Variants in LRRC32 observed in about 807,000 individuals in gnomAD.
The protein encoded by LRRC32 is transforming growth factor beta activator LRRC32.
A neutral mutation model predicts 15.0 loss-of-function variants in LRRC32; 5 were observed. That is an observed-to-expected ratio of 0.33 (90% confidence interval 0.17 to 0.70). The LOEUF (loss-of-function observed/expected upper bound fraction) is 0.70, where lower values mean the gene tolerates loss of function less well. Ranked by LOEUF, LRRC32 falls within the 30% of genes least tolerant of loss-of-function variation. The pLI is 0.66. For synonymous variants in LRRC32, 391 were observed against 403.9 expected (o/e 0.97, Z 0.38); for missense variants, 803 against 854.2 (o/e 0.94, Z 0.75).
In LRRC32 at chr11:76,659,256, G is replaced by A. The variant is rs897428797; in HGVS notation, c.*348C>T. 1.9e-5 allele frequency: 5 copies of A among 260,220 alleles called. No individual in the cohort carries two copies. Among genetic ancestry groups the A allele is most frequent in the Non-Finnish European group, 3.0e-5 (4 of 135,080 alleles). 16.1% of individuals were successfully genotyped at this position (260,220 alleles called of 1,614,324 possible). ...CTGCAGCACTCTCTCCTACCAGACT[G>A]GGAGATTCTTGAGGGCGGGAATGTA... On this transcript the variant is annotated 3_prime_UTR_variant, in exon 3 of 3. Coordinates refer to ENST00000260061, the MANE Select transcript of LRRC32 (RefSeq NM_001128922.2).
chr11:76,659,920 C>T lies in LRRC32; in HGVS notation c.1673G>A (p.Gly558Asp), dbSNP rs1199077993. Reference sequence around the variant, plus strand: ...GAGGCGCCGGAGGCTGGTCTCCAGGCCACCCATGGCACTGCCTGGCAGGAG... The same window carrying T: ...GAGGCGCCGGAGGCTGGTCTCCAGGTCACCCATGGCACTGCCTGGCAGGAG... Reference protein sequence around the residue: ...FSLLPGSAMGGLETSLRRLYL... With the variant: ...FSLLPGSAMGDLETSLRRLYL... The change falls in exon 3 of 3, where the codon GGC becomes GAC. Residue 558 changes from glycine to aspartate, a missense_variant. Physicochemically the swap from Gly to Asp is moderately conservative, Grantham distance 94. Transcript: ENST00000260061. 1 of 1,613,566 alleles carries T rather than the reference C, an allele frequency of 6.2e-7. No homozygotes were observed. Among genetic ancestry groups the T allele is most frequent in the Non-Finnish European group, 8.5e-7 (1 of 1,179,966 alleles).
intron 1 of LRRC32, among the ~76,000 whole-genome samples, chr11:76,669,527 A>G (rs935581553): frequency 1.3e-5 from 2 of 152,064 alleles, no homozygotes; most frequent in East Asian, 3.9e-4. Context: ...TCTCACAATC[A>G]CCTATTGAGG....
At chr11:76,664,614 A>T (rs1952593895) in intron 2 of LRRC32, among the ~76,000 whole-genome samples, 2 of 152,218 alleles carry the variant, frequency 1.3e-5, no homozygotes, top group Admixed American at 1.3e-4. Context: ...CGAATCCTGT[A>T]GGTCCCTGGT....
Position 76,665,851 on chromosome 11 carries a change from G to T in LRRC32, c.84+20C>A. ...GGGAGGTGGGGGTGGTCCTCACCCT[G>T]TCTGGGCAGAGCATCTTACCATCTT... On this transcript the variant is annotated intron_variant, in intron 2 of 2. Coordinates refer to ENST00000260061, the MANE Select transcript of LRRC32 (RefSeq NM_001128922.2). 1 of 1,613,970 alleles carries T rather than the reference G, an allele frequency of 6.2e-7. No individual in the cohort carries two copies. Among genetic ancestry groups the T allele is most frequent in the East Asian group, 2.2e-5 (1 of 44,872 alleles).
rs1313843300 is a variant in LRRC32, at chr11:76,660,551, T to C, written c.1042A>G (p.Arg348Gly). 6.2e-7 allele frequency: 1 copy of C among 1,614,210 alleles called. No homozygotes were observed. The highest frequency in any genetic ancestry group is 1.7e-5 in the Admixed American group (1 of 60,030). ...LTSLCFLNLS[R>G]NCLRTFEARR... ...GCCTCAAAGGTCCGCAAGCAGTTTC[T>C]GCTGAGGTTCAGGAAGCACAGGGAG... Residue 348 changes from arginine to glycine, a missense_variant, in exon 3 of 3, where the codon AGA becomes GGA. Coordinates refer to ENST00000260061, the MANE Select transcript of LRRC32 (RefSeq NM_001128922.2).
Position 76,659,780 on chromosome 11 carries a change from G to A in LRRC32, c.1813C>T (p.Gln605Ter), listed in dbSNP as rs1363934629. 1 of 1,614,104 alleles carries A rather than the reference G, an allele frequency of 6.2e-7. No homozygotes were observed. Among genetic ancestry groups the A allele is most frequent in the Admixed American group, 1.7e-5 (1 of 60,012 alleles). Reference protein sequence around the residue: ...TQDLICRFSSQEEVSLSHVRP... With the variant: ...TQDLICRFSS ...ACGTGGCTCAGGGACACCTCCTCCT[G>A]GGAGCTGAAGCGGCAGATCAGGTCC... The change falls in exon 3 of 3, where the codon CAG becomes TAG. Residue 605 changes from glutamine (Q) to a stop codon, truncating the protein, a stop_gained. Coordinates refer to ENST00000260061, the MANE Select transcript of LRRC32 (RefSeq NM_001128922.2). LOFTEE classifies it high-confidence loss of function.
At chr11:76,662,803 TCTC>T (rs1952559261) in intron 2 of LRRC32, 1 of 152,232 alleles carries the variant, frequency 6.6e-6, no homozygotes, top group African/African-American at 2.4e-5. Flanking sequence ...GGCTTAAACT[TCTC>T]CACGGTGAAG....
chr11:76,661,096 C>T lies in LRRC32; in HGVS notation c.497G>A (p.Arg166His), dbSNP rs1471143455. The T allele has an allele frequency of 1.4e-5, 22 of 1,613,922 alleles. No individual in the cohort carries two copies. Among genetic ancestry groups the T allele is most frequent in the East Asian group, 2.2e-5 (1 of 44,898 alleles). Residue 166 changes from arginine (R) to histidine (H), a missense_variant, in exon 3 of 3, where the codon CGC becomes CAC. By Grantham distance (29) the Arg-to-His change is conservative. Transcript: ENST00000260061. ...CGCAGGCATGTCCCGGAAGGTGTGG[C>T]GGGTGAGGCGAGTCAGACTGTTCTC... is the stretch of plus-strand genomic sequence containing the variant. ...LAENSLTRLT[R>H]HTFRDMPALE...
At position 76,660,213 on chromosome 11, in the gene LRRC32, T is replaced by C. The variant is rs751781425; in HGVS notation, c.1380A>G (p.Ala460=). Residue 460 remains alanine, a synonymous_variant, in exon 3 of 3, where the codon GCA becomes GCG. Transcript: ENST00000260061. ...TCAGTGGGGTGTGGAGGAAGGCCCCTGCCCTGAGCAGCTCTATCTCATTAT... is the reference window on the plus strand; with the variant it reads ...TCAGTGGGGTGTGGAGGAAGGCCCCCGCCCTGAGCAGCTCTATCTCATTAT... The part of the protein sequence containing the change: ...LVDNEIELLR[A]GAFLHTPLTE... 2.5e-6 allele frequency: 4 copies of C among 1,577,182 alleles called. No homozygotes were observed. Among genetic ancestry groups the C allele is most frequent in the African/African-American group, 1.4e-5 (1 of 73,566 alleles).
rs1442648614 is a variant in LRRC32, at chr11:76,658,054, A to T, written c.*1550T>A. The T allele has an allele frequency of 4.6e-5, 7 of 152,328 alleles. No individual in the cohort carries two copies. Among genetic ancestry groups the T allele is most frequent in the African/African-American group, 1.7e-4 (7 of 41,436 alleles). 9.4% of individuals were successfully genotyped at this position (152,328 alleles called of 1,614,324 possible). The stretch of plus-strand genomic sequence containing the variant: ...TTTTACCTGTTTTTGTAAGAGGGAA[A>T]AAAGATCCTTGCATGATGAGGCACA... On this transcript the variant is annotated 3_prime_UTR_variant, in exon 3 of 3. Coordinates refer to ENST00000260061, the MANE Select transcript of LRRC32 (RefSeq NM_001128922.2).
Position 76,659,608 on chromosome 11 carries a change from GCTTTATA to G in LRRC32, c.1978_1984del (p.Tyr660ProfsTer121). The stretch of plus-strand genomic sequence containing the variant: ...CTAGAGTGTCTCCCGGCTTCTTTAG[GCTTTATA>G]CTGTTGGTTAAACTTCTGCCGGCGG... On this transcript the variant is annotated frameshift_variant, in exon 3 of 3. Transcript: ENST00000260061. LOFTEE classifies it high-confidence loss of function. 1 of 1,613,852 alleles carries G rather than the reference GCTTTATA, an allele frequency of 6.2e-7. No individual in the cohort carries two copies. The highest frequency in any genetic ancestry group is 8.5e-7 in the Non-Finnish European group (1 of 1,179,940).
chr11:76,665,347 G>A (rs145338201), intron 2 of LRRC32, among the ~76,000 whole-genome samples: 247 of 152,228 alleles, frequency 1.6e-3, no homozygotes, highest in African/African-American at 5.6e-3. Context: ...CAGCCTGGGA[G>A]GGGCTGGGGA....
In LRRC32 at chr11:76,660,910, T is replaced by C. The variant is rs1207776358; in HGVS notation, c.683A>G (p.Asn228Ser). 5 of 1,614,084 alleles carry C rather than the reference T, an allele frequency of 3.1e-6. No individual in the cohort carries two copies. The highest frequency in any genetic ancestry group is 1.7e-5 in the Admixed American group (1 of 60,012). ...GGCCGTCTGAAAGGCCTCGATGCTG[T>C]TGCAGCTCAGGTCTAGCACCCGCAG... The part of the protein sequence containing the change: ...QQLRVLDLSC[N>S]SIEAFQTASQ... The change falls in exon 3 of 3, where the codon AAC becomes AGC. Residue 228 changes from asparagine to serine, a missense_variant. Coordinates refer to ENST00000260061, the MANE Select transcript of LRRC32 (RefSeq NM_001128922.2).
intron 1 of LRRC32, among the ~76,000 whole-genome samples, chr11:76,667,424 A>T (rs934846650): frequency 9.9e-5 from 15 of 152,218 alleles, no homozygotes; most frequent in African/African-American, 3.4e-4. Flanking sequence ...AGGCATTCAC[A>T]GGGCATTTGA....
chr11:76,670,158 A>G (rs1952687467), intron 1 of LRRC32, among the ~76,000 whole-genome samples: 2 of 152,202 alleles, frequency 1.3e-5, no homozygotes, highest in Non-Finnish European at 2.9e-5. Context: ...CTTACCACCC[A>G]TGAAGAAGGC....
Position 76,660,038 on chromosome 11 carries a change from G to A in LRRC32, c.1555C>T (p.Leu519Phe). Reference protein sequence around the residue: ...DLPCFICLKRLNLAENRLSHL... With the variant: ...DLPCFICLKRFNLAENRLSHL... ...CTCAGGCGGTTCTCGGCAAGATTGA[G>A]CCGCTTGAGGCAGATGAAGCAGGGC... is the stretch of plus-strand genomic sequence containing the variant. Residue 519 changes from leucine (L) to phenylalanine (F), a missense_variant, in exon 3 of 3, where the codon CTC (leucine) becomes TTC (phenylalanine). Transcript: ENST00000260061. The A allele has an allele frequency of 6.2e-7, 1 of 1,614,152 alleles. No homozygotes were observed. Among genetic ancestry groups the A allele is most frequent in the Non-Finnish European group, 8.5e-7 (1 of 1,180,032 alleles).
At chr11:76,667,434 AG>A (rs1229736602) in intron 1 of LRRC32, among the ~76,000 whole-genome samples, 1 of 152,194 alleles carries the variant, frequency 6.6e-6, no homozygotes, top group Non-Finnish European at 1.5e-5. Context: ...AGGGCATTTG[AG>A]GGCAGTGTCT....
intron 1 of LRRC32, among the ~76,000 whole-genome samples, chr11:76,669,603 C>T (rs1196163147): frequency 6.6e-6 from 1 of 152,118 alleles, no homozygotes; most frequent in African/African-American, 2.4e-5. Flanking sequence ...GACTTACCCC[C>T]AGAGTTACCC....
At chr11:76,665,282 TA>T (rs1952606228) in intron 2 of LRRC32, among the ~76,000 whole-genome samples, 5 of 152,252 alleles carry the variant, frequency 3.3e-5, no homozygotes, top group Admixed American at 2.6e-4. Flanking sequence ...AGTATTGAGA[TA>T]GGGGGAAGCC....
Sources: gnomAD v4.1 joint callset for allele counts (sites outside exome capture counted in the v4.1 genomes callset) on GRCh38, gnomAD v4.1.1 for gene constraint, MANE v1.5 for transcripts, NCBI Gene and HGNC (gene_info 2026-07-23, HGNC 2026-07-21) for gene names.